The following XPNPEP3 variants were observed in gnomAD, a reference collection of about 807,000 sequenced individuals.
XPNPEP3 encodes X-prolyl aminopeptidase 3.
Under a neutral mutation model 60.0 loss-of-function variants are expected in XPNPEP3, and 41 were observed. The observed-to-expected ratio is 0.68, with a 90% CI of 0.53 to 0.89. The LOEUF (loss-of-function observed/expected upper bound fraction) is 0.89, where lower values mean the gene tolerates loss of function less well. Ranked by LOEUF, XPNPEP3 falls within the 40% of genes least tolerant of loss-of-function variation. The pLI, the probability that XPNPEP3 is intolerant of heterozygous loss-of-function variation, is 0.00. For synonymous variants in XPNPEP3, 212 were observed against 223.2 expected (o/e 0.95, Z 0.45); for missense variants, 598 against 638.9 (o/e 0.94, Z 0.69).
intron 7 of XPNPEP3, among the ~76,000 whole-genome samples, chr22:40,914,948 CCTT>C (rs956565498): frequency 4.6e-5 from 7 of 151,734 alleles, no homozygotes; most frequent in African/African-American, 1.7e-4. Flanking sequence ...TACCCTCAAA[CCTT>C]CTTACAAGGT....
intron 8 of XPNPEP3, among the ~76,000 whole-genome samples, chr22:40,924,022 ATT>A (rs375122660): frequency 6.6e-6 from 1 of 151,490 alleles, no homozygotes; most frequent in Admixed American, 6.6e-5. Flanking sequence ...AAGAAAAGAG[ATT>A]TTTTTTTCTT....
Position 40,886,826 on chromosome 22 carries a change from C to CAA in XPNPEP3, c.792+327_792+328dup, listed in dbSNP as rs1244520436. On this transcript the variant is annotated intron_variant, in intron 4 of 9. Transcript: ENST00000357137. ...TGGGCGACAGAGCGAGACTCCATCT[C>CAA]AAAAAAAAAAAAAAAAACAAGAAAA... Among the ~76,000 whole-genome samples the CAA allele has an allele frequency of 4.7e-3, 294 of 61,916 alleles. 5 individuals carry two copies. The highest frequency in any genetic ancestry group is 0.042 in the Middle Eastern group (4 of 96). The allele number at this position is 61,916 out of a possible 152,430, so 40.6% of individuals were successfully genotyped here.
Position 40,922,394 on chromosome 22 carries a change from G to A in XPNPEP3, c.1117G>A (p.Ala373Thr), listed in dbSNP as rs1400005774. The A allele has an allele frequency of 6.2e-7, 1 of 1,613,734 alleles. No individual in the cohort carries two copies. Among genetic ancestry groups the A allele is most frequent in the South Asian group, 1.1e-5 (1 of 91,058 alleles). The stretch of plus-strand genomic sequence containing the variant: ...TCTAGAGATCCAAAGAGATTGTTTG[G>A]CCCTCTGCTTCCCTGGGACAAGCTT... Reference protein sequence around the residue: ...AVLEIQRDCLALCFPGTSLEN... With the variant: ...AVLEIQRDCLTLCFPGTSLEN... The change falls in exon 8 of 10, where the codon GCC becomes ACC. Residue 373 changes from alanine (A) to threonine (T), a missense_variant. Ala to Thr is a moderately conservative substitution (Grantham distance 58). Transcript: ENST00000357137.
At chr22:40,862,045 T>TTC in intron 1 of XPNPEP3, 1 of 1,536,564 alleles carries the variant, frequency 6.5e-7, no homozygotes, top group East Asian at 2.3e-5. Flanking sequence ...GAACCGTGGT[T>TTC]TCCTCAGCTC....
chr22:40,896,658 C>T (rs932469112), intron 4 of XPNPEP3, among the ~76,000 whole-genome samples: 76 of 151,978 alleles, frequency 5.0e-4, no homozygotes, highest in Admixed American at 4.6e-4. Flanking sequence ...CCATTTTAGC[C>T]ATTTTTAAGT....
chr22:40,882,739 A>G (rs2058053334), intron 3 of XPNPEP3, among the ~76,000 whole-genome samples: 1 of 152,196 alleles, frequency 6.6e-6, no homozygotes, highest in African/African-American at 2.4e-5. Flanking sequence ...GCAAGACTCC[A>G]TCTCAAAAAA....
Position 40,924,352 on chromosome 22 carries a change from T to G in XPNPEP3, c.1237-10T>G. On this transcript the variant is annotated splice_polypyrimidine_tract_variant and intron_variant, in intron 8 of 9. Coordinates refer to ENST00000357137, the MANE Select transcript of XPNPEP3 (RefSeq NM_022098.4). The stretch of plus-strand genomic sequence containing the variant: ...TGCTCTAATGATACTGTGACAATTA[T>G]CTTTTCCAGGCTGCTCGAAAATACT... 1 of 1,614,092 alleles carries G rather than the reference T, an allele frequency of 6.2e-7. No individual in the cohort carries two copies. Among genetic ancestry groups the G allele is most frequent in the South Asian group, 1.1e-5 (1 of 91,084 alleles).
chr22:40,882,322 C>T lies in XPNPEP3; in HGVS notation c.589+145C>T, dbSNP rs8135516. Reference sequence around the variant, plus strand: ...CATGAAAGAAATGTAAAGTCTTTTTCAGAAGATTGAGCTTCTTTAAAGATT... The same window carrying T: ...CATGAAAGAAATGTAAAGTCTTTTTTAGAAGATTGAGCTTCTTTAAAGATT... On this transcript the variant is annotated intron_variant, in intron 3 of 9. Transcript: ENST00000357137. 10,605 of 961,052 alleles carry T rather than the reference C, an allele frequency of 0.011. 702 individuals are homozygous for T. The African/African-American group carries it at 0.15, about 14-fold the overall frequency. 59.5% of individuals were successfully genotyped at this position (961,052 alleles called of 1,614,324 possible).
intron 8 of XPNPEP3, among the ~76,000 whole-genome samples, chr22:40,923,167 C>T (rs1466590503): frequency 6.6e-6 from 1 of 150,836 alleles, no homozygotes; most frequent in Admixed American, 6.6e-5. Flanking sequence ...GAGCTATGTT[C>T]GCACCACTGC....
In XPNPEP3 at chr22:40,881,950, T is replaced by C; in HGVS notation, c.362T>C (p.Phe121Ser). The change falls in exon 3 of 10, where the codon TTC becomes TCC. Residue 121 changes from phenylalanine (F) to serine (S), a missense_variant. Phe to Ser is a radical substitution (Grantham distance 155). Transcript: ENST00000357137. ...IPYTFHQDNNFLYLCGFQEPD... is the reference protein window; with the variant it reads ...IPYTFHQDNNSLYLCGFQEPD... ...TATACTTTCCACCAAGACAACAATT[T>C]CCTGTACCTATGTGGATTCCAAGAG... 6.2e-7 allele frequency: 1 copy of C among 1,614,110 alleles called. No individual in the cohort carries two copies. Among genetic ancestry groups the C allele is most frequent in the African/African-American group, 1.3e-5 (1 of 75,022 alleles).
At position 40,916,058 on chromosome 22, in the gene XPNPEP3, C is replaced by T. The variant is rs146834622; in HGVS notation, c.1055+1734C>T. 3.1e-3 allele frequency among the ~76,000 whole-genome samples: 472 copies of T among 152,032 alleles called. 12 individuals are homozygous for T. In the East Asian group the frequency reaches 0.072, roughly 23 times the overall value. ...CTGTAATTCTAGCACTTTGGGGGGC[C>T]GAGGTGGGCAGATTACTTGAAGTCA... On this transcript the variant is annotated intron_variant, in intron 7 of 9. Coordinates refer to ENST00000357137, the MANE Select transcript of XPNPEP3 (RefSeq NM_022098.4).
Position 40,860,651 on chromosome 22 carries a change from A to G in XPNPEP3, c.64+3406A>G, listed in dbSNP as rs1055792556. 26 of 1,320,566 alleles carry G rather than the reference A, an allele frequency of 2.0e-5. No individual in the cohort carries two copies. The African/African-American group carries it at 3.3e-4, about 17-fold the overall frequency. The allele number at this position is 1,320,566 out of a possible 1,614,324, so 81.8% of individuals were successfully genotyped here. On this transcript the variant is annotated intron_variant, in intron 1 of 9. Transcript: ENST00000357137. ...GTAAAAAACTCATTGCAGTTTTCCAAATTCCTTTTTTTTTTTTTTAAGACA... is the reference window on the plus strand; with the variant it reads ...GTAAAAAACTCATTGCAGTTTTCCAGATTCCTTTTTTTTTTTTTTAAGACA...
intron 4 of XPNPEP3, among the ~76,000 whole-genome samples, chr22:40,901,616 C>T (rs1238387771): frequency 6.6e-6 from 1 of 152,128 alleles, no homozygotes; most frequent in Non-Finnish European, 1.5e-5. Flanking sequence ...AGAGGCGGAG[C>T]TACTTGCGCT....
intron 4 of XPNPEP3, among the ~76,000 whole-genome samples, chr22:40,891,249 A>C (rs1367627379): frequency 1.3e-5 from 2 of 151,036 alleles, no homozygotes; most frequent in Non-Finnish European, 2.9e-5. Flanking sequence ...AGTCCCAGCT[A>C]CTTGGGAGGC....
chr22:40,858,186 A>T (rs1234305744), intron 1 of XPNPEP3, among the ~76,000 whole-genome samples: 1 of 151,722 alleles, frequency 6.6e-6, no homozygotes, highest in African/African-American at 2.4e-5. Flanking sequence ...CTCATTTGCA[A>T]CCTCTGCCTC....
chr22:40,860,662 T>A (rs886453155), intron 1 of XPNPEP3: 1 of 1,306,150 alleles, frequency 7.7e-7, no homozygotes, highest in Non-Finnish European at 1.0e-6. Context: ...ATTCCTTTTT[T>A]TTTTTTTTAA....
intron 2 of XPNPEP3, 83 bp downstream of exon 2, chr22:40,869,198 CTGGATCTGTGCTG>C: frequency 8.1e-7 from 1 of 1,228,458 alleles, no homozygotes; most frequent in Non-Finnish European, 1.2e-6. Flanking sequence ...GCAGTAAGCT[CTGGATCTGTGCTG>C]TTCCATAAGG....
At chr22:40,912,297 T>C (rs2058179922) in intron 6 of XPNPEP3, among the ~76,000 whole-genome samples, 1 of 152,156 alleles carries the variant, frequency 6.6e-6, no homozygotes, top group African/African-American at 2.4e-5. Context: ...CACCTAATAA[T>C]GGAATTGCTG....
chr22:40,886,339 T>C lies in XPNPEP3; in HGVS notation c.616T>C (p.Trp206Arg), dbSNP rs1302622934. The C allele has an allele frequency of 8.7e-6, 14 of 1,614,150 alleles. No individual in the cohort carries two copies. Among genetic ancestry groups the C allele is most frequent in the Non-Finnish European group, 1.2e-5 (14 of 1,180,034 alleles). The change falls in exon 4 of 10, where the codon TGG (tryptophan) becomes CGG (arginine). Residue 206 changes from tryptophan to arginine, a missense_variant. Physicochemically the swap from Trp to Arg is moderately radical, Grantham distance 101. Transcript: ENST00000357137. Reference protein sequence around the residue: ...KAETNMVWYDWMRPSHAQLHS... With the variant: ...KAETNMVWYDRMRPSHAQLHS... ...TGAGACGAACATGGTTTGGTATGAC[T>C]GGATGAGGCCCTCACATGCACAGCT...
Sources: allele counts gnomAD v4.1 joint callset (sites outside exome capture counted in the v4.1 genomes callset), GRCh38; gene constraint gnomAD v4.1.1; transcripts MANE v1.5; gene names NCBI Gene and HGNC (gene_info 2026-07-23, HGNC 2026-07-21).